The following FABP6 variants were observed in gnomAD, a reference collection of about 807,000 sequenced individuals.
FABP6 encodes the protein fatty acid binding protein 6.
A neutral mutation model predicts 14.9 loss-of-function variants in FABP6; 13 were observed. The ratio of observed to expected loss-of-function variants is 0.87; its 90% CI spans 0.57 to 1.39. The LOEUF is 1.39. Among genes scored for constraint, FABP6 ranks in the 40% most tolerant of loss-of-function variants. FABP6 has a pLI of 0.00. For missense variants in FABP6, 161 were observed against 167.2 expected (o/e 0.96, Z 0.20); for synonymous variants, 75 against 63.6 (o/e 1.18, Z -0.85).
chr5:160,227,992 TG>T (rs1446655195), upstream of FABP6, among the ~76,000 whole-genome samples: 2 of 152,058 alleles, frequency 1.3e-5, no homozygotes, highest in Non-Finnish European at 2.9e-5. Flanking sequence ...GTCCCAGGTC[TG>T]GGAGTCAGCA....
chr5:160,203,902 T>C (rs980852583), intron 2 of FABP6, among the ~76,000 whole-genome samples: 7 of 152,050 alleles, frequency 4.6e-5, no homozygotes, highest in Non-Finnish European at 8.8e-5. Flanking sequence ...GGTTTCACCA[T>C]GTTGGTCAGG....
chr5:160,238,118 C>G (rs73817349), intron 3 of FABP6, among the ~76,000 whole-genome samples: 1,941 of 152,268 alleles, frequency 0.013, 44 homozygotes, highest in African/African-American at 0.044. Flanking sequence ...CAGCATCCCC[C>G]CCGCCTGCCT....
intron 2 of FABP6, among the ~76,000 whole-genome samples, chr5:160,209,959 TG>T: frequency 1.3e-5 from 2 of 152,206 alleles, no homozygotes; most frequent in East Asian, 3.9e-4. Context: ...CAGGAAGAAG[TG>T]GGAAAAGGAG....
chr5:160,228,214 A>G (rs1760292330), upstream of FABP6, among the ~76,000 whole-genome samples: 1 of 152,046 alleles, frequency 6.6e-6, no homozygotes, highest in African/African-American at 2.4e-5. Flanking sequence ...CAACGTGGAG[A>G]AACCCCGTCT....
chr5:160,188,384 T>C (rs11741949), intron 1 of FABP6, among the ~76,000 whole-genome samples: 39 of 146,968 alleles, frequency 2.7e-4, no homozygotes, highest in African/African-American at 1.8e-4. Flanking sequence ...CCAGCCCAGG[T>C]AGCCGGCTGG....
At chr5:160,197,954 A>ATATG in intron 1 of FABP6, 1 of 100,156 alleles carries the variant, frequency 1.0e-5, no homozygotes, top group Admixed American at 1.1e-4. Flanking sequence ...GTGTGTGTGT[A>ATATG]TGTGTGTGTG....
upstream of FABP6, among the ~76,000 whole-genome samples, chr5:160,227,819 C>CGTGT (rs763474232): frequency 6.1e-3 from 884 of 145,702 alleles, 14 homozygotes; most frequent in African/African-American, 0.019. Flanking sequence ...AAATCCATGA[C>CGTGT]GTGTGTGTGT....
intron 3 of FABP6, among the ~76,000 whole-genome samples, chr5:160,238,030 T>C (rs1760553736): frequency 6.6e-6 from 1 of 152,142 alleles, no homozygotes; most frequent in Non-Finnish European, 1.5e-5. Context: ...AACCAGCTGA[T>C]GACACGTGCA....
At chr5:160,218,782 G>A (rs1315831629) in intron 3 of FABP6, among the ~76,000 whole-genome samples, 2 of 148,952 alleles carry the variant, frequency 1.3e-5, no homozygotes, top group Non-Finnish European at 3.0e-5. Context: ...TTTATGAGTT[G>A]GGGTCTCATT....
intron 3 of FABP6, among the ~76,000 whole-genome samples, chr5:160,238,334 G>C (rs1760563607): frequency 6.6e-6 from 1 of 152,174 alleles, no homozygotes; most frequent in Admixed American, 6.5e-5. Context: ...GAATCATGCA[G>C]GGTAACAGCC....
At chr5:160,193,494 C>T (rs1759444567) in intron 1 of FABP6, among the ~76,000 whole-genome samples, 1 of 152,146 alleles carries the variant, frequency 6.6e-6, no homozygotes, top group Admixed American at 6.5e-5. Context: ...TTTGGCCCCA[C>T]CCACATCCTG....
chr5:160,233,085 G>A (rs1342783768), intron 2 of FABP6, among the ~76,000 whole-genome samples: 6 of 149,534 alleles, frequency 4.0e-5, no homozygotes, highest in East Asian at 2.1e-4. Context: ...GGGTTCAAGC[G>A]ATTCTCCTGC....
rs1183380766 is a variant in FABP6 at position 160,232,186 on chromosome 5, G to C, written c.156G>C (p.Gln52His). 6.2e-7 allele frequency: 1 copy of C among 1,613,618 alleles called. No homozygotes were observed. The change falls in exon 2 of 4, where the codon CAG (glutamine) becomes CAC (histidine). Residue 52 changes from glutamine (Q) to histidine (H), a missense_variant. Transcript: ENST00000402432. ...QQDGQDFTWS[Q>H]HYSGGHTMTN... ...ATGGGCAGGACTTCACTTGGTCCCA[G>C]CACTACTCCGGGGGCCACACCATGA...
intron 2 of FABP6, among the ~76,000 whole-genome samples, chr5:160,209,949 C>A (rs59689301): frequency 6.6e-6 from 1 of 152,162 alleles, no homozygotes; most frequent in African/African-American, 2.4e-5. Flanking sequence ...AAGAAAATTT[C>A]AGGAAGAAGT....
At chr5:160,227,840 G>GTGTGTA (rs1205615202), upstream of FABP6, among the ~76,000 whole-genome samples, 11 of 149,186 alleles carry the variant, frequency 7.4e-5, no homozygotes, top group African/African-American at 2.4e-4. Context: ...GTGTGTGTGT[G>GTGTGTA]TGTGTGTGTG....
At chr5:160,224,158 C>T (rs1760194690) in intron 3 of FABP6, among the ~76,000 whole-genome samples, 1 of 152,102 alleles carries the variant, frequency 6.6e-6, no homozygotes, top group African/African-American at 2.4e-5. Flanking sequence ...ATGGCGTGAA[C>T]CCAGGAGGTG....
chr5:160,197,942 G>GTGTGTGTGTGTA (rs1173633336), intron 1 of FABP6: 1 of 146,734 alleles, frequency 6.8e-6, no homozygotes, highest in Non-Finnish European at 1.5e-5. Flanking sequence ...GTGTGTGTGT[G>GTGTGTGTGTGTA]TGTGTGTGTG....
intron 3 of FABP6, among the ~76,000 whole-genome samples, chr5:160,217,596 T>C (rs1760038630): frequency 6.6e-6 from 1 of 152,030 alleles, no homozygotes; most frequent in African/African-American, 2.4e-5. Context: ...AAAAATGAAC[T>C]CATTTATTTA....
At position 160,238,653 on chromosome 5, in the gene FABP6, G is replaced by A. The variant is rs757321364; in HGVS notation, c.381G>A (p.Leu127=). 9.9e-6 allele frequency: 16 copies of A among 1,613,764 alleles called. 1 individual carries two copies. The highest frequency in any genetic ancestry group is 1.0e-5 in the Non-Finnish European group (12 of 1,179,828). The change falls in exon 4 of 4, where the codon CTG becomes CTA. Residue 127 remains leucine (L), a synonymous_variant. Coordinates refer to ENST00000402432, the MANE Select transcript of FABP6 (RefSeq NM_001445.3). The part of the protein sequence containing the change: ...GVTYERVSKR[L]A ...CCTATGAGCGCGTGAGCAAGAGACT[G>A]GCCTAAGCAGCCAGGCCCGGCCCAG...
Sources: gnomAD v4.1 joint callset for allele counts (sites outside exome capture counted in the v4.1 genomes callset) on GRCh38, gnomAD v4.1.1 for gene constraint, MANE v1.5 for transcripts, NCBI Gene and HGNC (gene_info 2026-07-23, HGNC 2026-07-21) for gene names.